Variants in TMEM178B observed in about 807,000 individuals in gnomAD.
TMEM178B encodes the protein transmembrane protein 178B.
A neutral mutation model predicts 31.0 loss-of-function variants in TMEM178B; 5 were observed. The observed-to-expected ratio is 0.16, with a 90% CI of 0.08 to 0.34. The LOEUF (loss-of-function observed/expected upper bound fraction) is 0.34, where lower values mean the gene tolerates loss of function less well. TMEM178B is among the 10% of genes least tolerant of loss of function. TMEM178B has a pLI of 1.00. For missense variants in TMEM178B, 275 were observed against 400.3 expected (o/e 0.69, Z 2.67); for synonymous variants, 164 against 164.0 (o/e 1.00, Z 0.00).
At chr7:141,144,062 C>A (rs949667163) in intron 1 of TMEM178B, among the ~76,000 whole-genome samples, 3 of 152,110 alleles carry the variant, frequency 2.0e-5, no homozygotes, top group Non-Finnish European at 4.4e-5. Flanking sequence ...GATTTTTATA[C>A]ATTGATTTTG....
At chr7:141,357,930 CCT>C (rs1041558935) in intron 2 of TMEM178B, among the ~76,000 whole-genome samples, 2 of 152,100 alleles carry the variant, frequency 1.3e-5, no homozygotes, top group African/African-American at 4.8e-5. Context: ...GTGAAGAATC[CCT>C]GTGTTACAGA....
chr7:141,414,643 T>C (rs1161487551), intron 2 of TMEM178B: 2 of 152,640 alleles, frequency 1.3e-5, no homozygotes, highest in East Asian at 3.8e-4. Context: ...GATGTAAATG[T>C]TTATATAGAA....
At chr7:141,200,520 A>C (rs1285132872) in intron 1 of TMEM178B, among the ~76,000 whole-genome samples, 1 of 152,166 alleles carries the variant, frequency 6.6e-6, no homozygotes, top group African/African-American at 2.4e-5. Flanking sequence ...GAGCACTATC[A>C]GGGGATTCCG....
the TMEM178B span, among the ~76,000 whole-genome samples, chr7:141,501,214 C>CA: frequency 6.6e-6 from 1 of 151,668 alleles, no homozygotes; most frequent in Non-Finnish European, 1.5e-5. Context: ...GGTGGACTCC[C>CA]ACAGGTAGGT....
chr7:141,214,702 G>A (rs898571614), intron 2 of TMEM178B, among the ~76,000 whole-genome samples: 2 of 152,108 alleles, frequency 1.3e-5, no homozygotes, highest in Non-Finnish European at 2.9e-5. Flanking sequence ...ATAATGCCAA[G>A]CTTTGTGGGG....
intron 2 of TMEM178B, among the ~76,000 whole-genome samples, chr7:141,305,499 C>T (rs886346575): frequency 1.3e-5 from 2 of 151,946 alleles, no homozygotes; most frequent in Non-Finnish European, 2.9e-5. Context: ...GCGATCTCGG[C>T]TCACTTCAAC....
intron 1 of TMEM178B, among the ~76,000 whole-genome samples, chr7:141,161,869 G>T (rs1415319114): frequency 6.6e-6 from 1 of 152,052 alleles, no homozygotes; most frequent in Non-Finnish European, 1.5e-5. Flanking sequence ...TGAGTGTGCA[G>T]CTGTGTGGTA....
At chr7:141,484,014 G>A (rs1441121006), downstream of TMEM178B, among the ~76,000 whole-genome samples, 1 of 152,060 alleles carries the variant, frequency 6.6e-6, no homozygotes, top group Admixed American at 6.5e-5. This position sits in a 1 kb window ranked among gnomAD's most constrained non-coding sequence, Gnocchi z 4.8. Context: ...GGGATTACAG[G>A]CATGAGCCAC....
At chr7:141,293,620 A>G (rs1229371612) in intron 2 of TMEM178B, among the ~76,000 whole-genome samples, 1 of 152,192 alleles carries the variant, frequency 6.6e-6, no homozygotes, top group African/African-American at 2.4e-5. Flanking sequence ...CAAGAATGTC[A>G]GCTTCACTCA....
intron 1 of TMEM178B, among the ~76,000 whole-genome samples, chr7:141,196,498 T>G (rs557414420): frequency 6.6e-6 from 1 of 152,338 alleles, no homozygotes; most frequent in South Asian, 2.1e-4. Context: ...TCTGTTAGGT[T>G]TGCTGTTGTG....
chr7:141,443,204 G>A (rs960736875), intron 3 of TMEM178B, among the ~76,000 whole-genome samples: 2 of 152,182 alleles, frequency 1.3e-5, no homozygotes, highest in South Asian at 4.1e-4. Context: ...CTCTGCCACT[G>A]TATCCAGTTC....
intron 2 of TMEM178B, among the ~76,000 whole-genome samples, chr7:141,349,955 G>GCATCCATC (rs60758674): frequency 0.012 from 1,757 of 150,224 alleles, 40 homozygotes; most frequent in African/African-American, 0.039. Flanking sequence ...ATGCATCCAT[G>GCATCCATC]CATCCATCCA....
At chr7:141,101,485 T>G (rs1050792176) in intron 1 of TMEM178B, among the ~76,000 whole-genome samples, 13 of 152,260 alleles carry the variant, frequency 8.5e-5, no homozygotes, top group Admixed American at 8.5e-4. Context: ...TGGTACAGGT[T>G]AAGACGCCCT....
chr7:141,132,226 T>C (rs1276635048), intron 1 of TMEM178B, among the ~76,000 whole-genome samples: 1 of 152,126 alleles, frequency 6.6e-6, no homozygotes, highest in Non-Finnish European at 1.5e-5. Context: ...TAAGTTCCTA[T>C]TGGGCTTCTA....
intron 1 of TMEM178B, among the ~76,000 whole-genome samples, chr7:141,141,014 T>C (rs1034815763): frequency 1.3e-5 from 2 of 152,210 alleles, no homozygotes; most frequent in Non-Finnish European, 1.5e-5. Context: ...CAGCCCACCC[T>C]AAGGAGTTGG....
intron 1 of TMEM178B, among the ~76,000 whole-genome samples, chr7:141,176,264 T>G (rs1328837387): frequency 1.3e-5 from 2 of 152,248 alleles, no homozygotes; most frequent in Non-Finnish European, 2.9e-5. Flanking sequence ...TTACATTTAC[T>G]GATTTGCATA....
At chr7:141,169,044 G>A (rs1796304865) in intron 1 of TMEM178B, among the ~76,000 whole-genome samples, 1 of 152,128 alleles carries the variant, frequency 6.6e-6, no homozygotes, top group Non-Finnish European at 1.5e-5. Context: ...AATATTTTAT[G>A]TGTTTAAATT....
At chr7:141,100,462 A>G (rs17630683) in intron 1 of TMEM178B, among the ~76,000 whole-genome samples, 11,815 of 152,194 alleles carry the variant, frequency 0.078, 508 homozygotes, top group East Asian at 0.11. Context: ...AGTAGATAGC[A>G]TGCTGTACTT....
At chr7:141,392,755 G>A (rs1190946804) in intron 2 of TMEM178B, among the ~76,000 whole-genome samples, 1 of 151,850 alleles carries the variant, frequency 6.6e-6, no homozygotes, top group Non-Finnish European at 1.5e-5. Context: ...TTGAGCAGGA[G>A]AGAAAAGATC....
Sources: gnomAD v4.1 joint callset for allele counts (sites outside exome capture counted in the v4.1 genomes callset) on GRCh38, gnomAD v4.1.1 for gene constraint, Gnocchi (gnomAD v3.1) non-coding constraint, MANE v1.5 for transcripts, NCBI Gene and HGNC (gene_info 2026-07-23, HGNC 2026-07-21) for gene names.